The following DNAH17 variants were observed in gnomAD, a reference collection of about 807,000 sequenced individuals.
DNAH17 encodes the protein axonemal beta dynein heavy chain 17.
A neutral mutation model predicts 485.6 loss-of-function variants in DNAH17; 376 were observed. That is an observed-to-expected ratio of 0.77 (90% CI 0.71 to 0.84). DNAH17 has a LOEUF of 0.84. Ranked by LOEUF, DNAH17 falls within the 40% of genes least tolerant of loss-of-function variation. The pLI, the probability that DNAH17 is intolerant of heterozygous loss-of-function variation, is 0.00. For synonymous variants in DNAH17, 3,031 were observed against 2,405.9 expected (o/e 1.26, Z -7.60); for missense variants, 6,370 against 5,839.3 (o/e 1.09, Z -2.96).
In DNAH17 at chr17:78,458,550, G is replaced by A. The variant is rs771503143; in HGVS notation, c.9977+15C>T. The A allele has an allele frequency of 6.2e-7, 1 of 1,607,102 alleles. No individual in the cohort carries two copies. The highest frequency in any genetic ancestry group is 8.5e-7 in the Non-Finnish European group (1 of 1,173,774). On this transcript the variant is annotated intron_variant, in intron 62 of 80. Transcript: ENST00000389840. ...GTCTGAGAGCAGGAGGGTGGTCTCG[G>A]GGAGGAGCTGATACCTGTTCGCCAG...
intron 37 of DNAH17, among the ~76,000 whole-genome samples, chr17:78,496,494 G>A (rs11657288): frequency 0.36 from 53,332 of 149,338 alleles, 10,258 homozygotes; most frequent in East Asian, 0.5. Context: ...CGACACTGAG[G>A]CCAGCATTGC....
At position 78,571,674 on chromosome 17, in the gene DNAH17, C is replaced by T. The variant is rs780844716; in HGVS notation, c.648G>A (p.Leu216=). The T allele has an allele frequency of 6.2e-7, 1 of 1,614,018 alleles. No homozygotes were observed. The highest frequency in any genetic ancestry group is 1.7e-5 in the Admixed American group (1 of 60,024). The change falls in exon 4 of 81, where the codon CTG becomes CTA. Residue 216 remains leucine (L), a synonymous_variant. Coordinates refer to ENST00000389840, the MANE Select transcript of DNAH17 (RefSeq NM_173628.4). The part of the protein sequence containing the change: ...DVLSKDSAQA[L]LDGLHPLPQV... ...GGGGCAGGGGGTGCAGCCCATCCAG[C>T]AGCGCCTGGGCTGAGTCTTTGCTCA...
chr17:78,491,227 C>A (rs1274678803), intron 43 of DNAH17, among the ~76,000 whole-genome samples: 1 of 152,256 alleles, frequency 6.6e-6, no homozygotes, highest in Non-Finnish European at 1.5e-5. Context: ...ACCCATCCTG[C>A]TAAAATGTAA....
In DNAH17 at chr17:78,453,219, A is replaced by G. The variant is rs1320208769; in HGVS notation, c.10529+124T>C. On this transcript the variant is annotated intron_variant, in intron 65 of 80. Coordinates refer to ENST00000389840, the MANE Select transcript of DNAH17 (RefSeq NM_173628.4). ...CCTTCCCACCAGCAGGCACTTTGTC[A>G]AAGCCCTTGCTGCTTACCAGGGAAG... The G allele has an allele frequency of 3.7e-6, 5 of 1,363,252 alleles. No homozygotes were observed. In the Admixed American group the frequency reaches 9.5e-5, roughly 26 times the overall value. 84.4% of individuals were successfully genotyped at this position (1,363,252 alleles called of 1,614,324 possible).
chr17:78,486,070 G>A lies in DNAH17; in HGVS notation c.7165C>T (p.Pro2389Ser). The A allele has an allele frequency of 6.2e-7, 1 of 1,613,942 alleles. No homozygotes were observed. ...WINEFKTIKF[P>S]SQGTIFDYYI... is the part of the protein sequence containing the mutation. Reference sequence around the variant, plus strand: ...TAGTCAAAAATCGTTCCCTGCGAGGGGAACTTGATAGTCTTGAATTCGTTG... The same window carrying A: ...TAGTCAAAAATCGTTCCCTGCGAGGAGAACTTGATAGTCTTGAATTCGTTG... The change falls in exon 46 of 81, where the codon CCC becomes TCC. Residue 2389 changes from proline (P) to serine (S), a missense_variant. By Grantham distance (74) the Pro-to-Ser change is moderately conservative (BLOSUM62 -1). Transcript: ENST00000389840.
In DNAH17 at chr17:78,461,668, T is replaced by C. The variant is rs2088134333; in HGVS notation, c.9215A>G (p.Glu3072Gly). The change falls in exon 58 of 81, where the codon GAG becomes GGG. Residue 3072 changes from glutamate to glycine, a missense_variant. Glu to Gly is a moderately conservative substitution (Grantham distance 98, BLOSUM62 -2). Transcript: ENST00000389840. ...TGCGCTCTCATTCTTCTGCTTGAGC[T>C]CAGCCTCCTGAATCGCCAACTTGGC... ...LKAKLAIQEA[E>G]LKQKNESADQ... 1.2e-6 allele frequency: 2 copies of C among 1,611,666 alleles called. No individual in the cohort carries two copies. The highest frequency in any genetic ancestry group is 3.4e-5 in the Admixed American group (2 of 59,626).
At chr17:78,515,705 T>C (rs1362100035) in intron 25 of DNAH17, among the ~76,000 whole-genome samples, 3 of 152,186 alleles carry the variant, frequency 2.0e-5, no homozygotes, top group Non-Finnish European at 4.4e-5. Context: ...GCCTTGGCAA[T>C]CACAAAGGGG....
chr17:78,546,233 C>G (rs2091759936), intron 16 of DNAH17, among the ~76,000 whole-genome samples: 2 of 152,212 alleles, frequency 1.3e-5, no homozygotes, highest in South Asian at 4.1e-4. Flanking sequence ...GCTGTGAGAA[C>G]TGCCATCTTT....
intron 62 of DNAH17, among the ~76,000 whole-genome samples, chr17:78,456,876 G>A (rs922934651): frequency 2.6e-5 from 4 of 152,130 alleles, no homozygotes; most frequent in Non-Finnish European, 5.9e-5. Flanking sequence ...GCCCATCAGT[G>A]GCAGCCACCC....
At position 78,535,340 on chromosome 17, in the gene DNAH17, CA is replaced by C. The variant is rs1415569931; in HGVS notation, c.2859+1958del. Among the ~76,000 whole-genome samples the C allele has an allele frequency of 3.3e-5, 5 of 152,302 alleles. No individual in the cohort carries two copies. In the East Asian group the frequency reaches 9.6e-4, roughly 29 times the overall value. On this transcript the variant is annotated intron_variant, in intron 19 of 80. Transcript: ENST00000389840. ...TTGCACTTGGGCCTAAAATCACAGC[CA>C]TCTTCTCAGCATGGAAACCTCCTCC...
chr17:78,486,277 A>C lies in DNAH17; in HGVS notation c.7048T>G (p.Tyr2350Asp), dbSNP rs952771079. Residue 2350 changes from tyrosine to aspartate, a missense_variant, in exon 45 of 81, where the codon TAC becomes GAC. Tyr to Asp is a radical substitution (Grantham distance 160). Transcript: ENST00000389840. ...GCCCAGAAGCAGGTGAACACGAAGTACAGCTCGTACAGCTCCCTGGGGGAG... is the reference window on the plus strand; with the variant it reads ...GCCCAGAAGCAGGTGAACACGAAGTCCAGCTCGTACAGCTCCCTGGGGGAG... ...PDSPRELYEL[Y>D]FVFTCFWAFG... 97 of 1,606,914 alleles carry C rather than the reference A, an allele frequency of 6.0e-5. No homozygotes were observed. Among genetic ancestry groups the C allele is most frequent in the Non-Finnish European group, 7.7e-5 (91 of 1,174,666 alleles).
rs150300636 is a variant in DNAH17, at chr17:78,553,651, C to T, written c.2179-846G>A. On this transcript the variant is annotated intron_variant, in intron 14 of 80. Coordinates refer to ENST00000389840, the MANE Select transcript of DNAH17 (RefSeq NM_173628.4). ...TGATGATTGTTTTTTATTTGGAAAT[C>T]GTATTTCAGGACACTCCACAATTTT... Among the ~76,000 whole-genome samples the T allele has an allele frequency of 9.4e-4, 143 of 152,178 alleles. 2 individuals are homozygous for T. Among genetic ancestry groups the T allele is most frequent in the African/African-American group, 3.3e-3 (136 of 41,534 alleles).
Position 78,502,680 on chromosome 17 carries a change from G to T in DNAH17, c.5101C>A (p.Gln1701Lys), listed in dbSNP as rs1214431088. ...CCCACCTCGGTCGTCCACCAGATCT[G>T]GGTGCAAGTCAGGGCCACCTGAAAG... ...YPAQVALTCT[Q>K]IWWTTEVGLA... Residue 1701 changes from glutamine (Q) to lysine (K), a missense_variant, in exon 33 of 81, where the codon CAG (glutamine) becomes AAG (lysine). Gln to Lys is a moderately conservative substitution (Grantham distance 53). Transcript: ENST00000389840. 1 of 1,612,360 alleles carries T rather than the reference G, an allele frequency of 6.2e-7. No individual in the cohort carries two copies. Among genetic ancestry groups the T allele is most frequent in the South Asian group, 1.1e-5 (1 of 91,062 alleles).
intron 15 of DNAH17, 108 bp from the exon 16 acceptor site, chr17:78,551,746 G>T (rs900173568): frequency 6.8e-6 from 7 of 1,022,960 alleles, no homozygotes; most frequent in Admixed American, 6.0e-5. Context: ...GGCGAATCAC[G>T]AGGTCGGGAG....
chr17:78,469,251 C>T (rs1598507741), intron 54 of DNAH17, among the ~76,000 whole-genome samples: 2 of 152,220 alleles, frequency 1.3e-5, no homozygotes, highest in East Asian at 3.8e-4. Flanking sequence ...ACGCCATTCT[C>T]CTGCCTCAGC....
intron 75 of DNAH17, among the ~76,000 whole-genome samples, chr17:78,433,246 C>T (rs535143472): frequency 3.3e-5 from 5 of 152,296 alleles, no homozygotes; most frequent in African/African-American, 9.6e-5. Context: ...TGAGCACTAC[C>T]GCTCTCTCCA....
intron 17 of DNAH17, among the ~76,000 whole-genome samples, chr17:78,540,160 A>C (rs2091482968): frequency 1.3e-5 from 2 of 151,766 alleles, no homozygotes; most frequent in South Asian, 4.2e-4. Context: ...TTCCTCTAGC[A>C]AACTGTTATT....
intron 48 of DNAH17, among the ~76,000 whole-genome samples, chr17:78,484,012 C>A (rs1054483282): frequency 3.5e-5 from 5 of 142,004 alleles, no homozygotes; most frequent in Non-Finnish European, 7.5e-5. Context: ...AGGAGAATTC[C>A]TTGAACCCAG....
intron 25 of DNAH17, among the ~76,000 whole-genome samples, chr17:78,519,167 C>CAAAAA (rs71161610): frequency 5.3e-5 from 4 of 75,594 alleles, no homozygotes; most frequent in Admixed American, 1.9e-4. Context: ...GACTCCGTCT[C>CAAAAA]AAAAAAAAAA....
Sources: allele counts gnomAD v4.1 joint callset (sites outside exome capture counted in the v4.1 genomes callset), GRCh38; gene constraint gnomAD v4.1.1; transcripts MANE v1.5; gene names NCBI Gene and HGNC (gene_info 2026-07-23, HGNC 2026-07-21).